Variants in PXK observed in about 807,000 individuals in gnomAD.
The protein encoded by PXK is PX domain-containing protein kinase-like protein.
In PXK, 35 loss-of-function variants were observed where a neutral mutation model predicts 84.7. The ratio of observed to expected loss-of-function variants is 0.41; its 90% CI spans 0.32 to 0.55. The LOEUF (loss-of-function observed/expected upper bound fraction) is 0.55. Among genes scored for constraint, PXK ranks in the 20% least tolerant of loss-of-function variants. The probability of loss-of-function intolerance (pLI) is 0.21; values close to 1 mark genes in which losing one functional copy is unlikely to be tolerated. For missense variants in PXK, 634 were observed against 699.7 expected, an observed-to-expected ratio of 0.91 and a Z score of 1.06; for synonymous variants, 253 against 260.8, an observed-to-expected ratio of 0.97 and a Z score of 0.29.
At chr3:58,367,805 C>T (rs898502842) in intron 2 of PXK, among the ~76,000 whole-genome samples, 1 of 152,294 alleles carries the variant, frequency 6.6e-6, no homozygotes, top group South Asian at 2.1e-4. Flanking sequence ...ACTTCAGCCT[C>T]CTGAGTAGCT....
At chr3:58,348,244 G>A (rs1463733477) in intron 1 of PXK, among the ~76,000 whole-genome samples, 1 of 152,162 alleles carries the variant, frequency 6.6e-6, no homozygotes, top group African/African-American at 2.4e-5. Context: ...GTAAGAGTTG[G>A]CAGCCATCCC....
At chr3:58,351,245 C>T (rs568632344) in intron 1 of PXK, among the ~76,000 whole-genome samples, 6 of 152,204 alleles carry the variant, frequency 3.9e-5, no homozygotes, top group African/African-American at 1.4e-4. Flanking sequence ...CTCACTCTAT[C>T]GCCCAGGCTG....
At chr3:58,388,870 TC>T (rs1391093105) in intron 4 of PXK, among the ~76,000 whole-genome samples, 1 of 152,104 alleles carries the variant, frequency 6.6e-6, no homozygotes, top group Non-Finnish European at 1.5e-5. Context: ...GGAGAGCATT[TC>T]TACTGAATCC....
At chr3:58,351,877 T>G (rs1168952582) in intron 1 of PXK, among the ~76,000 whole-genome samples, 1 of 152,194 alleles carries the variant, frequency 6.6e-6, no homozygotes, top group African/African-American at 2.4e-5. Flanking sequence ...ATTAGAGTCG[T>G]GATATACTCA....
At chr3:58,395,911 T>C in intron 9 of PXK, 152 bp downstream of exon 9, 1 of 599,224 alleles carries the variant, frequency 1.7e-6, no homozygotes, top group Non-Finnish European at 2.8e-6. Flanking sequence ...AAAAAGTAAA[T>C]ATTTGAGACT....
intron 1 of PXK, among the ~76,000 whole-genome samples, chr3:58,345,648 T>TAATGGTA (rs1326448465): frequency 6.6e-6 from 1 of 152,220 alleles, no homozygotes; most frequent in African/African-American, 2.4e-5. Flanking sequence ...AAATACTGTG[T>TAATGGTA]AATGGTAAAA....
intron 1 of PXK, among the ~76,000 whole-genome samples, chr3:58,358,708 G>A (rs2098131001): frequency 6.6e-6 from 1 of 152,128 alleles, no homozygotes; most frequent in Non-Finnish European, 1.5e-5. Context: ...CCTGTCCCCT[G>A]TGACAACCTA....
intron 1 of PXK, among the ~76,000 whole-genome samples, chr3:58,352,397 C>T (rs1575830024): frequency 6.6e-6 from 1 of 152,158 alleles, no homozygotes; most frequent in Non-Finnish European, 1.5e-5. Flanking sequence ...CCAGCGGATC[C>T]GAGTTTCTAT....
rs114633485 is a variant in PXK at position 58,415,799 on chromosome 3, A to G, written c.1528+2836A>G. Among the ~76,000 whole-genome samples the G allele has an allele frequency of 9.1e-3, 1,379 of 152,338 alleles. 22 individuals are homozygous for G. The highest frequency in any genetic ancestry group is 0.031 in the African/African-American group (1,290 of 41,572). On this transcript the variant is annotated intron_variant, in intron 17 of 17. Coordinates refer to ENST00000356151, the MANE Select transcript of PXK (RefSeq NM_017771.5). ...CTGACCTTCCAGATGGCTTACAGGCAAGGATTTTTAACGGTGGGGTAAATT... is the reference window on the plus strand; with the variant it reads ...CTGACCTTCCAGATGGCTTACAGGCGAGGATTTTTAACGGTGGGGTAAATT...
intron 7 of PXK, 117 bp downstream of exon 7, chr3:58,391,964 G>A: frequency 4.3e-6 from 4 of 926,856 alleles, no homozygotes; most frequent in Middle Eastern, 2.2e-4. Flanking sequence ...TGGATTTCAG[G>A]TCAGACTGAA....
At chr3:58,356,205 A>G (rs2098076549) in intron 1 of PXK, among the ~76,000 whole-genome samples, 1 of 152,170 alleles carries the variant, frequency 6.6e-6, no homozygotes, top group Admixed American at 6.5e-5. Flanking sequence ...AGGGCTTGAC[A>G]CAGCAGCCTC....
In PXK at chr3:58,333,763, G is replaced by T. The variant is rs2097539445; in HGVS notation, c.102+673G>T. 2.5e-6 allele frequency: 1 copy of T among 402,794 alleles called. No homozygotes were observed. The highest frequency in any genetic ancestry group is 2.7e-5 in the Admixed American group (1 of 37,208). 25.0% of individuals were successfully genotyped at this position (402,794 alleles called of 1,614,324 possible). On this transcript the variant is annotated intron_variant, in intron 1 of 17. Transcript: ENST00000356151. This position sits in a 1 kb window ranked among gnomAD's most constrained non-coding sequence, Gnocchi z 5.4. ...TCATTTGAGTTTAAAATCCACTCGA[G>T]TAGCATAAAGGAGTAATAGGTCCTC...
At position 58,399,516 on chromosome 3, in the gene PXK, T is replaced by C. The variant is rs1399600950; in HGVS notation, c.1181+139T>C. On this transcript the variant is annotated intron_variant, in intron 12 of 17. Transcript: ENST00000356151. The surrounding 1 kb of genome is among the most constrained non-coding windows in gnomAD (Gnocchi z 4.3). ...CGTGGCCTGCTTGCTGATGGGCACTTGCAGCATGATATCCTCACCCTTTGT... is the reference window on the plus strand; with the variant it reads ...CGTGGCCTGCTTGCTGATGGGCACTCGCAGCATGATATCCTCACCCTTTGT... The C allele has an allele frequency of 1.3e-6, 1 of 766,136 alleles. No individual in the cohort carries two copies. Among genetic ancestry groups the C allele is most frequent in the East Asian group, 2.7e-5 (1 of 37,312 alleles). The allele number at this position is 766,136 out of a possible 1,614,324, so 47.5% of individuals were successfully genotyped here.
At position 58,416,824 on chromosome 3, in the gene PXK, C is replaced by A. The variant is rs546824463; in HGVS notation, c.1528+3861C>A. ...TTTTGATAGAGATGGGGTTTCACTA[C>A]GTTGGCCAGGCTGGTCTTGAACTCC... On this transcript the variant is annotated intron_variant, in intron 17 of 17. Coordinates refer to ENST00000356151, the MANE Select transcript of PXK (RefSeq NM_017771.5). The surrounding 1 kb of genome is among the most constrained non-coding windows in gnomAD (Gnocchi z 4.8). 1.3e-5 allele frequency among the ~76,000 whole-genome samples: 2 copies of A among 152,122 alleles called. No homozygotes were observed. The highest frequency in any genetic ancestry group is 4.8e-5 in the African/African-American group (2 of 41,494).
At position 58,339,863 on chromosome 3, in the gene PXK, G is replaced by A. The variant is rs182901993; in HGVS notation, c.102+6773G>A. Among the ~76,000 whole-genome samples, 213 of 152,216 alleles carry A rather than the reference G, an allele frequency of 1.4e-3. 1 individual carries two copies. The highest frequency in any genetic ancestry group is 3.4e-3 in the Middle Eastern group (1 of 294). On this transcript the variant is annotated intron_variant, in intron 1 of 17. Transcript: ENST00000356151. Reference sequence around the variant, plus strand: ...GAGTTTCACCGTTGTTGCCCAGGCTGGAGTGCAATGGCGCGATCTCGGCTC... The same window carrying A: ...GAGTTTCACCGTTGTTGCCCAGGCTAGAGTGCAATGGCGCGATCTCGGCTC...
chr3:58,381,347 G>A (rs1388783250), intron 3 of PXK, among the ~76,000 whole-genome samples: 1 of 151,788 alleles, frequency 6.6e-6, no homozygotes, highest in East Asian at 1.9e-4. Flanking sequence ...ATGGGGTTTA[G>A]TATGACAAAA....
intron 3 of PXK, among the ~76,000 whole-genome samples, chr3:58,382,117 A>G (rs2098509104): frequency 6.6e-6 from 1 of 152,106 alleles, no homozygotes; most frequent in South Asian, 2.1e-4. Flanking sequence ...GGAGTTTGAG[A>G]TCAGCCTGGC....
In PXK at chr3:58,411,094, G is replaced by A. The variant is rs192897776; in HGVS notation, c.1465+935G>A. On this transcript the variant is annotated intron_variant, in intron 16 of 17. Transcript: ENST00000356151. This position sits in a 1 kb window ranked among gnomAD's most constrained non-coding sequence, Gnocchi z 4.2. ...TGTGGGCAGGTGAAGAGGCAGAGAT[G>A]TTTAGAAGGGAGGAAATTGGGGATA... Among the ~76,000 whole-genome samples the A allele has an allele frequency of 8.0e-4, 122 of 152,310 alleles. 2 individuals carry two copies. The highest frequency in any genetic ancestry group is 2.6e-3 in the African/African-American group (110 of 41,556).
intron 4 of PXK, among the ~76,000 whole-genome samples, chr3:58,388,436 T>C (rs546466391): frequency 6.6e-6 from 1 of 152,246 alleles, no homozygotes; most frequent in Non-Finnish European, 1.5e-5. Context: ...CTTCTCAAAG[T>C]TGATATGAAT....
Sources: allele counts gnomAD v4.1 joint callset (sites outside exome capture counted in the v4.1 genomes callset), GRCh38; gene constraint gnomAD v4.1.1; non-coding constraint Gnocchi (gnomAD v3.1); transcripts MANE v1.5; gene names NCBI Gene and HGNC (gene_info 2026-07-23, HGNC 2026-07-21).